The following RHEB variants were observed in gnomAD, a reference collection of about 807,000 sequenced individuals.
The protein encoded by RHEB is Ras homolog, mTORC1 binding.
A neutral mutation model predicts 28.8 loss-of-function variants in RHEB; 2 were observed. That is an observed-to-expected ratio of 0.07 (90% CI 0.03 to 0.22). The LOEUF is 0.22. Among genes scored for constraint, RHEB ranks in the 10% least tolerant of loss-of-function variants. The pLI, the probability that RHEB is intolerant of heterozygous loss-of-function variation, is 1.00. For missense variants in RHEB, 76 were observed against 219.9 expected, an observed-to-expected ratio of 0.35 and a Z score of 4.14; for synonymous variants, 69 against 77.3, an observed-to-expected ratio of 0.89 and a Z score of 0.56.
chr7:151,503,975 C>A (rs1802822103), intron 1 of RHEB, among the ~76,000 whole-genome samples: 1 of 152,096 alleles, frequency 6.6e-6, no homozygotes, highest in Non-Finnish European at 1.5e-5. Flanking sequence ...AATGTTGGAA[C>A]CATTTCTCTC....
intron 1 of RHEB, among the ~76,000 whole-genome samples, chr7:151,518,285 C>T (rs1387587231): frequency 6.6e-6 from 1 of 152,156 alleles, no homozygotes; most frequent in Non-Finnish European, 1.5e-5. Flanking sequence ...TCAAAGAGCA[C>T]AGACCCTGGC....
At chr7:151,476,470 T>C (rs1002891202) in intron 4 of RHEB, among the ~76,000 whole-genome samples, 2 of 152,248 alleles carry the variant, frequency 1.3e-5, no homozygotes, top group African/African-American at 4.8e-5. Flanking sequence ...GAGAGATGGC[T>C]ATGAATCCCA....
intron 4 of RHEB, among the ~76,000 whole-genome samples, chr7:151,475,832 T>C (rs1802261969): frequency 6.6e-6 from 1 of 152,118 alleles, no homozygotes; most frequent in Non-Finnish European, 1.5e-5. Context: ...ATATATTACA[T>C]GGTAAGTAAA....
At chr7:151,503,139 T>C (rs544808464) in intron 1 of RHEB, 79 of 797,346 alleles carry the variant, frequency 9.9e-5, no homozygotes, top group African/African-American at 8.9e-4. Context: ...AATCTGGATA[T>C]AATGAGATAT....
At chr7:151,507,708 G>A (rs1212794763) in intron 1 of RHEB, among the ~76,000 whole-genome samples, 1 of 151,898 alleles carries the variant, frequency 6.6e-6, no homozygotes. Flanking sequence ...AAATTAAACT[G>A]CAATTATTAT....
chr7:151,504,489 G>C (rs143916957), intron 1 of RHEB, among the ~76,000 whole-genome samples: 6 of 152,128 alleles, frequency 3.9e-5, no homozygotes, highest in African/African-American at 1.4e-4. Context: ...TGCATCCAAG[G>C]AATACTGTAT....
In RHEB at chr7:151,466,612, G is replaced by A. The variant is rs557166067; in HGVS notation, c.*507C>T. ...TCCTCCTGTGGCCACATCTTCACTG[G>A]TTTCTGGAATCCAACCTGGGGCCTT... is the stretch of plus-strand genomic sequence containing the variant. On this transcript the variant is annotated 3_prime_UTR_variant, in exon 8 of 8. Transcript: ENST00000262187. 1 of 156,198 alleles carries A rather than the reference G, an allele frequency of 6.4e-6. No homozygotes were observed. The highest frequency in any genetic ancestry group is 1.9e-4 in the East Asian group (1 of 5,322). The allele number at this position is 156,198 out of a possible 1,614,324, so 9.7% of individuals were successfully genotyped here.
At chr7:151,490,644 G>C (rs547258982) in intron 2 of RHEB, among the ~76,000 whole-genome samples, 4 of 152,292 alleles carry the variant, frequency 2.6e-5, no homozygotes, top group South Asian at 4.1e-4. Context: ...AAGGGGGTGT[G>C]GGGGAGAAGA....
At chr7:151,482,146 A>C (rs886931599) in intron 3 of RHEB, among the ~76,000 whole-genome samples, 1 of 152,248 alleles carries the variant, frequency 6.6e-6, no homozygotes, top group African/African-American at 2.4e-5. Flanking sequence ...GAAGGTCTAC[A>C]AAGAAAGAGC....
intron 2 of RHEB, among the ~76,000 whole-genome samples, chr7:151,486,576 A>G (rs1208211596): frequency 1.3e-5 from 2 of 152,226 alleles, no homozygotes; most frequent in African/African-American, 4.8e-5. Flanking sequence ...GTAGATAGCT[A>G]ACTAGGATGG....
At chr7:151,471,345 AC>A in intron 6 of RHEB, 48 bp downstream of exon 6, 1 of 1,140,140 alleles carries the variant, frequency 8.8e-7, no homozygotes. Flanking sequence ...TTAAAATGAT[AC>A]TTCAGTGACT....
intron 2 of RHEB, among the ~76,000 whole-genome samples, chr7:151,488,813 G>C (rs1802527758): frequency 6.6e-6 from 1 of 152,178 alleles, no homozygotes; most frequent in Non-Finnish European, 1.5e-5. Context: ...CAAAAAAGTA[G>C]GGTCATATTA....
intron 3 of RHEB, among the ~76,000 whole-genome samples, chr7:151,477,677 G>C (rs1167133088): frequency 2.6e-5 from 4 of 152,164 alleles, no homozygotes; most frequent in Non-Finnish European, 4.4e-5. Context: ...TGGGAGAAGA[G>C]GATGGATGGA....
At position 151,467,226 on chromosome 7, in the gene RHEB, A is replaced by G. The variant is rs571546215; in HGVS notation, c.463-15T>C. ...TCCACAGCAGTCTGAAAAGAGAAAGAAACCCAATCACAGTGTTAGTGTGAA... is the reference window on the plus strand; with the variant it reads ...TCCACAGCAGTCTGAAAAGAGAAAGGAACCCAATCACAGTGTTAGTGTGAA... On this transcript the variant is annotated splice_polypyrimidine_tract_variant and intron_variant, in intron 7 of 7. Coordinates refer to ENST00000262187, the MANE Select transcript of RHEB (RefSeq NM_005614.4). 18 of 1,585,716 alleles carry G rather than the reference A, an allele frequency of 1.1e-5. No individual in the cohort carries two copies. The African/African-American group carries it at 2.3e-4, about 20-fold the overall frequency.
At chr7:151,508,634 GT>G (rs35707066) in intron 1 of RHEB, among the ~76,000 whole-genome samples, 148 of 142,852 alleles carry the variant, frequency 1.0e-3, no homozygotes, top group African/African-American at 2.3e-3. Flanking sequence ...TATATTTTTA[GT>G]TTTTTTTTTT....
chr7:151,467,031 A>C lies in RHEB; in HGVS notation c.*88T>G, dbSNP rs1802075507. ...TATCTTTCAGGTTAACAGAAGAAAA[A>C]AGAAGCATAGTTTATCTTCAAGGAG... On this transcript the variant is annotated 3_prime_UTR_variant, in exon 8 of 8. Transcript: ENST00000262187. The C allele has an allele frequency of 1.1e-6, 1 of 940,176 alleles. No individual in the cohort carries two copies. The highest frequency in any genetic ancestry group is 2.5e-5 in the East Asian group (1 of 40,426). 58.2% of individuals were successfully genotyped at this position (940,176 alleles called of 1,614,324 possible).
Position 151,481,381 on chromosome 7 carries a change from C to A in RHEB, c.192+3356G>T, listed in dbSNP as rs140458188. Among the ~76,000 whole-genome samples the A allele has an allele frequency of 2.9e-4, 44 of 152,288 alleles. No individual in the cohort carries two copies. The East Asian group carries it at 7.9e-3, about 27-fold the overall frequency. On this transcript the variant is annotated intron_variant, in intron 3 of 7. Coordinates refer to ENST00000262187, the MANE Select transcript of RHEB (RefSeq NM_005614.4). ...AATACCGCTATGCAGCAATTCACTG[C>A]GTGCAATTTCACTCCTGAAATGTGG...
intron 4 of RHEB, among the ~76,000 whole-genome samples, chr7:151,473,263 G>A (rs1563091507): frequency 6.6e-6 from 1 of 152,234 alleles, no homozygotes. Context: ...AGGAGCAGAG[G>A]GCAGCCTCAG....
chr7:151,514,874 C>CA (rs1803047973), intron 1 of RHEB, among the ~76,000 whole-genome samples: 1 of 151,386 alleles, frequency 6.6e-6, no homozygotes, highest in African/African-American at 2.4e-5. Context: ...CCCACCTCTA[C>CA]AAAAAAATAA....
Sources: allele counts gnomAD v4.1 joint callset (sites outside exome capture counted in the v4.1 genomes callset), GRCh38; gene constraint gnomAD v4.1.1; transcripts MANE v1.5; gene names NCBI Gene and HGNC (gene_info 2026-07-23, HGNC 2026-07-21).